JMJD1C: variants seen among roughly 807,000 people sequenced by gnomAD.
The protein encoded by JMJD1C is jumonji domain-containing protein 1C.
JMJD1C carries 31 observed loss-of-function variants against 245.3 expected under a neutral mutation model. The ratio of observed to expected loss-of-function variants is 0.13; its 90% CI spans 0.09 to 0.17. JMJD1C has a LOEUF of 0.17. Among genes scored for constraint, JMJD1C ranks in the 10% least tolerant of loss-of-function variants. The probability of loss-of-function intolerance (pLI) is 1.00; values close to 1 mark genes in which losing one functional copy is unlikely to be tolerated. For missense variants in JMJD1C, 2,691 were observed against 3,000.2 expected (o/e 0.90, Z 2.41); for synonymous variants, 1,057 against 1,017.4 (o/e 1.04, Z -0.74).
intron 2 of JMJD1C, among the ~76,000 whole-genome samples, chr10:63,310,884 G>C (rs1427914978): frequency 6.6e-6 from 1 of 151,976 alleles, no homozygotes; most frequent in East Asian, 1.9e-4. Context: ...ATCAAAGAAG[G>C]ACAAATAAAC....
intron 8 of JMJD1C, among the ~76,000 whole-genome samples, chr10:63,212,346 G>T (rs1323185748): frequency 6.6e-6 from 1 of 152,142 alleles, no homozygotes; most frequent in African/African-American, 2.4e-5. Context: ...CAAAAACAAG[G>T]TGTTAAAAAG....
At chr10:63,272,886 C>G (rs906559565) in intron 2 of JMJD1C, among the ~76,000 whole-genome samples, 15 of 152,142 alleles carry the variant, frequency 9.9e-5, no homozygotes, top group Non-Finnish European at 1.8e-4. Flanking sequence ...TTTTGCTTCT[C>G]AAGTACTTCA....
At chr10:63,199,060 CT>C (rs1246457706) in intron 11 of JMJD1C, among the ~76,000 whole-genome samples, 7 of 152,108 alleles carry the variant, frequency 4.6e-5, no homozygotes, top group African/African-American at 1.4e-4. Context: ...CAGAGCAATG[CT>C]GTTATTTTAT....
intron 1 of JMJD1C, among the ~76,000 whole-genome samples, chr10:63,433,938 TAG>T (rs1950923650): frequency 1.3e-5 from 2 of 151,048 alleles, no homozygotes. Context: ...GCTAACAATT[TAG>T]AGAGGGTATG....
At chr10:63,212,840 ATAT>A (rs2133205996) in intron 8 of JMJD1C, among the ~76,000 whole-genome samples, 1 of 151,146 alleles carries the variant, frequency 6.6e-6, no homozygotes, top group South Asian at 2.1e-4. Flanking sequence ...TGTATTATAT[ATAT>A]TATAATTATT....
In JMJD1C at chr10:63,254,186, CAAAA is replaced by C. The variant is rs1406706078; in HGVS notation, c.447+10461_447+10464del. ...TATTCAGAATACCCATATGCACAAC[CAAAA>C]AAACAAACAAACAAACAAACAAAAA... On this transcript the variant is annotated intron_variant, in intron 3 of 25. Coordinates refer to ENST00000399262, the MANE Select transcript of JMJD1C (RefSeq NM_032776.3). 4.7e-5 allele frequency among the ~76,000 whole-genome samples: 7 copies of C among 150,508 alleles called. No homozygotes were observed. In the East Asian group the frequency reaches 7.9e-4, roughly 17 times the overall value.
At chr10:63,426,703 C>T (rs993252081) in intron 1 of JMJD1C, among the ~76,000 whole-genome samples, 5 of 151,984 alleles carry the variant, frequency 3.3e-5, no homozygotes, top group South Asian at 4.1e-4. Context: ...CATACCTTAG[C>T]CACAGGTTAC....
At chr10:63,249,159 T>C (rs1353503967) in intron 3 of JMJD1C, among the ~76,000 whole-genome samples, 1 of 151,998 alleles carries the variant, frequency 6.6e-6, no homozygotes, top group African/African-American at 2.4e-5. Context: ...CTACTAAAAA[T>C]ACAAAAATTA....
In JMJD1C at chr10:63,193,108, C is replaced by G. The variant is rs1409251615; in HGVS notation, c.5906G>C (p.Cys1969Ser). ...ATTTTGCTGCTGAGACTCAGGCATG[C>G]ACAGAGAAATTTTATTACTGTGATT... ...VLNHSNKISL[C>S]MPESQQQNTP... The change falls in exon 16 of 26, where the codon TGC becomes TCC. Residue 1969 changes from cysteine (C) to serine (S), a missense_variant. Physicochemically the swap from Cys to Ser is moderately radical, Grantham distance 112. Around this residue, in one of 9 missense-constraint regions of JMJD1C, gnomAD observed 275 missense variants for 285.5 expected, o/e 0.96. Transcript: ENST00000399262. 9 of 1,613,818 alleles carry G rather than the reference C, an allele frequency of 5.6e-6. No individual in the cohort carries two copies. Among genetic ancestry groups the G allele is most frequent in the Non-Finnish European group, 7.6e-6 (9 of 1,179,988 alleles).
chr10:63,252,167 C>G (rs769083405), intron 3 of JMJD1C, among the ~76,000 whole-genome samples: 5 of 152,142 alleles, frequency 3.3e-5, no homozygotes, highest in Non-Finnish European at 5.9e-5. Flanking sequence ...TTTGCTAAGT[C>G]AGAGGTACAG....
At chr10:63,264,012 C>A (rs1449507310) in intron 3 of JMJD1C, among the ~76,000 whole-genome samples, 1 of 140,120 alleles carries the variant, frequency 7.1e-6, no homozygotes, top group Non-Finnish European at 1.5e-5. Flanking sequence ...ACACACAATT[C>A]TGTGAGCTTT....
chr10:63,243,122 T>TATATATATATATATAA (rs1851717630), intron 3 of JMJD1C, among the ~76,000 whole-genome samples: 1 of 87,176 alleles, frequency 1.1e-5, no homozygotes, highest in African/African-American at 2.8e-5. Flanking sequence ...TATATATATA[T>TATATATATATATATAA]ATAAATATAT....
chr10:63,294,438 G>A (rs564009590), intron 2 of JMJD1C, among the ~76,000 whole-genome samples: 11 of 151,756 alleles, frequency 7.2e-5, no homozygotes, highest in East Asian at 1.9e-4. Flanking sequence ...GGTGTGTGCC[G>A]CCACACCCAG....
intron 3 of JMJD1C, among the ~76,000 whole-genome samples, chr10:63,257,372 T>A (rs900669273): frequency 1.3e-5 from 2 of 152,216 alleles, no homozygotes; most frequent in Non-Finnish European, 2.9e-5. Context: ...AAAGTTCTTT[T>A]AAGATAAACC....
At position 63,304,484 on chromosome 10, in the gene JMJD1C, T is replaced by TTGATC. The variant is rs1937731254; in HGVS notation, c.334-39721_334-39720insGATCA. On this transcript the variant is annotated intron_variant, in intron 2 of 25. Coordinates refer to ENST00000399262, the MANE Select transcript of JMJD1C (RefSeq NM_032776.3). ...TTAAAATTCAAAATGGAAAAGGACT[T>TTGATC]AAAAAGAAATAAAAGACGTGGGATT... Among the ~76,000 whole-genome samples, 6 of 152,182 alleles carry TTGATC rather than the reference T, an allele frequency of 3.9e-5. No individual in the cohort carries two copies. In the South Asian group the frequency reaches 1.2e-3, roughly 32 times the overall value.
intron 2 of JMJD1C, among the ~76,000 whole-genome samples, chr10:63,353,330 T>C (rs929483553): frequency 1.3e-5 from 2 of 152,218 alleles, no homozygotes; most frequent in African/African-American, 4.8e-5. Context: ...ACGGTAATGA[T>C]GGTGGTTCAT....
intron 11 of JMJD1C, 55 bp downstream of exon 11, chr10:63,200,421 T>G: frequency 7.5e-7 from 1 of 1,337,334 alleles, no homozygotes; most frequent in Non-Finnish European, 1.1e-6. Context: ...CACTATATAA[T>G]TTCCAATATC....
At chr10:63,323,880 C>CA (rs1941213025) in intron 2 of JMJD1C, among the ~76,000 whole-genome samples, 1 of 151,844 alleles carries the variant, frequency 6.6e-6, no homozygotes, top group Admixed American at 6.6e-5. Context: ...TTATGAAAGC[C>CA]AAAATCCCAT....
At chr10:63,220,235 C>T (rs1385092263) in intron 3 of JMJD1C, among the ~76,000 whole-genome samples, 1 of 152,166 alleles carries the variant, frequency 6.6e-6, no homozygotes, top group African/African-American at 2.4e-5. Flanking sequence ...TGTTTTCTAA[C>T]TTTTAAAGTA....
Sources: gnomAD v4.1 joint callset for allele counts (sites outside exome capture counted in the v4.1 genomes callset) on GRCh38, gnomAD v4.1.1 for gene constraint, gnomAD v4.1.1 regional missense constraint, MANE v1.5 for transcripts, NCBI Gene and HGNC (gene_info 2026-07-23, HGNC 2026-07-21) for gene names.